QTGAL: variants seen among roughly 807,000 people sequenced by gnomAD.
QTGAL encodes queuosine-tRNA galactosyltransferase.
At chr17:82,951,337 T>C in the QTGAL span, among the ~76,000 whole-genome samples, 1 of 152,204 alleles carries the variant, frequency 6.6e-6, no homozygotes, top group Admixed American at 6.5e-5. Context: ...AGACGGCTTC[T>C]TTCCTTAAGC....
chr17:82,950,165 A>G, the QTGAL span, among the ~76,000 whole-genome samples: 1 of 152,216 alleles, frequency 6.6e-6, no homozygotes, highest in Admixed American at 6.5e-5. Flanking sequence ...AGAACAAGCA[A>G]GAGACAGGTG....
At chr17:82,968,183 G>A in the QTGAL span, among the ~76,000 whole-genome samples, 1 of 151,418 alleles carries the variant, frequency 6.6e-6, no homozygotes, top group South Asian at 2.1e-4. Context: ...ACCCGTCCCC[G>A]TGTGTTCACG....
At chr17:83,044,585 A>G in the QTGAL span, among the ~76,000 whole-genome samples, 1 of 152,234 alleles carries the variant, frequency 6.6e-6, no homozygotes, top group African/African-American at 2.4e-5. Flanking sequence ...GGAGAACCGA[A>G]GCGAGGATGC....
At chr17:83,022,067 T>C in the QTGAL span, among the ~76,000 whole-genome samples, 1 of 152,154 alleles carries the variant, frequency 6.6e-6, no homozygotes, top group African/African-American at 2.4e-5. Flanking sequence ...GAGGTCTCAA[T>C]GTAAAAGATA....
At chr17:82,949,064 T>C in the QTGAL span, 1 of 152,140 alleles carries the variant, frequency 6.6e-6, no homozygotes, top group African/African-American at 2.4e-5. Context: ...AAAATAATAA[T>C]TTACTGAAGG....
At chr17:83,019,841 C>T in the QTGAL span, among the ~76,000 whole-genome samples, 1 of 152,136 alleles carries the variant, frequency 6.6e-6, no homozygotes, top group African/African-American at 2.4e-5. Context: ...TCAAGCGATT[C>T]TCCTGCCTCA....
the QTGAL span, among the ~76,000 whole-genome samples, chr17:82,999,752 C>T: frequency 1.3e-5 from 2 of 152,194 alleles, no homozygotes; most frequent in African/African-American, 2.4e-5. Flanking sequence ...ACCACAGCTG[C>T]AGCCCTCAGT....
the QTGAL span, chr17:83,048,923 A>G: frequency 8.7e-6 from 6 of 691,002 alleles, no homozygotes; most frequent in South Asian, 1.7e-5. Context: ...CCAGGCTCTT[A>G]ACATGCTTGT....
the QTGAL span, among the ~76,000 whole-genome samples, chr17:82,954,344 C>T: frequency 2.0e-5 from 3 of 151,986 alleles, no homozygotes; most frequent in Non-Finnish European, 4.4e-5. Context: ...TTCCTATACA[C>T]CAATAATAGA....
chr17:83,048,247 T>G, the QTGAL span, among the ~76,000 whole-genome samples: 2 of 152,156 alleles, frequency 1.3e-5, no homozygotes, highest in Non-Finnish European at 2.9e-5. Flanking sequence ...ACGCTGGTCT[T>G]GAACTCTTGA....
the QTGAL span, among the ~76,000 whole-genome samples, chr17:82,982,967 T>G: frequency 6.6e-6 from 1 of 152,160 alleles, no homozygotes; most frequent in Non-Finnish European, 1.5e-5. Flanking sequence ...ACATAGGAAC[T>G]CTCTGTGCTA....
chr17:83,010,194 TC>T, the QTGAL span, among the ~76,000 whole-genome samples: 1 of 152,042 alleles, frequency 6.6e-6, no homozygotes, highest in Non-Finnish European at 1.5e-5. Context: ...GCGGCTCTTC[TC>T]CAGCACTGCT....
chr17:82,963,182 G>A, the QTGAL span, among the ~76,000 whole-genome samples: 240 of 152,352 alleles, frequency 1.6e-3, no homozygotes, highest in African/African-American at 5.6e-3. Flanking sequence ...ACTGCCTGGA[G>A]GAGAAAAGCG....
the QTGAL span, among the ~76,000 whole-genome samples, chr17:83,037,272 C>T: frequency 2.6e-5 from 4 of 152,190 alleles, no homozygotes; most frequent in Non-Finnish European, 5.9e-5. The surrounding 1 kb of genome is among the most constrained non-coding windows in gnomAD (Gnocchi z 5.2). Context: ...CTGCCCTGTT[C>T]CGGGGGGGCA....
At chr17:82,951,845 A>C in the QTGAL span, among the ~76,000 whole-genome samples, 5 of 152,042 alleles carry the variant, frequency 3.3e-5, no homozygotes, top group Non-Finnish European at 4.4e-5. Context: ...CTGTCAGAAC[A>C]TTCGCATTTT....
the QTGAL span, among the ~76,000 whole-genome samples, chr17:82,984,267 CA>C: frequency 3.1e-5 from 3 of 97,712 alleles, no homozygotes; most frequent in East Asian, 9.8e-4. Context: ...TATGATCACG[CA>C]GGGGAGAGGC....
At chr17:82,964,532 G>A in the QTGAL span, among the ~76,000 whole-genome samples, 23 of 150,902 alleles carry the variant, frequency 1.5e-4, 1 homozygote, top group African/African-American at 4.4e-4. Context: ...GGACACGGAC[G>A]CCTGCAGGTG....
At chr17:82,964,255 CAAAA>C in the QTGAL span, among the ~76,000 whole-genome samples, 5 of 72,456 alleles carry the variant, frequency 6.9e-5, no homozygotes, top group Admixed American at 3.8e-4. Context: ...GACCCTGTCT[CAAAA>C]AAAAAAAAAA....
At chr17:82,985,406 T>C in the QTGAL span, among the ~76,000 whole-genome samples, 1 of 152,234 alleles carries the variant, frequency 6.6e-6, no homozygotes, top group Non-Finnish European at 1.5e-5. Context: ...TGAGATCTCT[T>C]CTTTGAACTT....
Sources: gnomAD v4.1 joint callset for allele counts (sites outside exome capture counted in the v4.1 genomes callset) on GRCh38, gnomAD v4.1.1 for gene constraint, Gnocchi (gnomAD v3.1) non-coding constraint, MANE v1.5 for transcripts, NCBI Gene and HGNC (gene_info 2026-07-23, HGNC 2026-07-21) for gene names.